SASH1: variants seen among roughly 807,000 people sequenced by gnomAD.
The protein encoded by SASH1 is SAM and SH3 domain-containing protein 1.
In SASH1, 44 loss-of-function variants were observed where a neutral mutation model predicts 125.2. The ratio of observed to expected loss-of-function variants is 0.35; its 90% confidence interval spans 0.28 to 0.45. SASH1 has a LOEUF of 0.45. Ranked by LOEUF, SASH1 falls within the 20% of genes least tolerant of loss-of-function variation. The pLI, the probability that SASH1 is intolerant of heterozygous loss-of-function variation, is 1.00. For missense variants in SASH1, 1,426 were observed against 1,614.5 expected, an observed-to-expected ratio of 0.88 and a Z score of 2.00; for synonymous variants, 639 against 649.1, an observed-to-expected ratio of 0.98 and a Z score of 0.24.
the SASH1 span, among the ~76,000 whole-genome samples, chr6:148,217,882 G>T: frequency 2.0e-5 from 3 of 151,570 alleles, no homozygotes; most frequent in Non-Finnish European, 1.5e-5. Flanking sequence ...GGGTGTGGTG[G>T]TGTGTGTCTG....
At chr6:148,296,954 T>G (rs1342314343) in intron 1 of SASH1, among the ~76,000 whole-genome samples, 1 of 152,254 alleles carries the variant, frequency 6.6e-6, no homozygotes. Context: ...GCCAAAGGGC[T>G]GCAGCTGTGG....
intron 1 of SASH1, among the ~76,000 whole-genome samples, chr6:148,290,852 C>A (rs1339685395): frequency 7.0e-6 from 1 of 142,782 alleles, no homozygotes; most frequent in Non-Finnish European, 1.5e-5. Context: ...CCGAGAAACA[C>A]CCAAGAATGA....
intron 1 of SASH1, among the ~76,000 whole-genome samples, chr6:148,308,945 G>A (rs1313716969): frequency 3.3e-5 from 5 of 151,276 alleles, no homozygotes; most frequent in Non-Finnish European, 5.9e-5. Flanking sequence ...TTAGCCAGGG[G>A]TGGTGGCACA....
At chr6:148,270,025 G>A (rs1019321091), upstream of SASH1, among the ~76,000 whole-genome samples, 4 of 152,204 alleles carry the variant, frequency 2.6e-5, no homozygotes, top group Non-Finnish European at 4.4e-5. Context: ...ATACACTGAT[G>A]TTATAGATTT....
chr6:148,232,625 G>T, the SASH1 span, among the ~76,000 whole-genome samples: 2 of 152,180 alleles, frequency 1.3e-5, no homozygotes, highest in Non-Finnish European at 2.9e-5. Context: ...AGCCTTAGAT[G>T]AGTAGATGGG....
At chr6:148,333,211 G>T (rs1781043745) in intron 1 of SASH1, among the ~76,000 whole-genome samples, 1 of 151,674 alleles carries the variant, frequency 6.6e-6, no homozygotes, top group African/African-American at 2.4e-5. Context: ...GACCAGCCTG[G>T]GCAACATAGG....
the SASH1 span, among the ~76,000 whole-genome samples, chr6:148,245,406 G>A: frequency 2.0e-5 from 3 of 152,250 alleles, no homozygotes; most frequent in Admixed American, 6.5e-5. Flanking sequence ...GAGAACTTCC[G>A]CTTGAGGCTA....
the SASH1 span, among the ~76,000 whole-genome samples, chr6:148,250,815 T>G: frequency 6.6e-6 from 1 of 152,204 alleles, no homozygotes; most frequent in African/African-American, 2.4e-5. Flanking sequence ...CTATCCCTAG[T>G]GTTTCAGTAA....
rs1781526992 is a variant in SASH1 at position 148,531,645 on chromosome 6, T to C, written c.1548T>C (p.Ser516=). ...TAGAAAGTCTTCGCAGTTCTCTCAG[T>C]GGGCAGAGCTCCATGAGTAAGTCGA... The part of the protein sequence containing the change: ...GSVESLRSSL[S]GQSSMSGQTV... The change falls in exon 13 of 20, where the codon AGT becomes AGC. Residue 516 remains serine (S), a synonymous_variant. Coordinates refer to ENST00000367467, the MANE Select transcript of SASH1 (RefSeq NM_015278.5). The C allele has an allele frequency of 1.3e-6, 2 of 1,547,382 alleles. No individual in the cohort carries two copies. Among genetic ancestry groups the C allele is most frequent in the Admixed American group, 2.1e-5 (1 of 48,654 alleles).
chr6:148,320,944 C>A (rs779377426), intron 1 of SASH1, among the ~76,000 whole-genome samples: 1 of 152,234 alleles, frequency 6.6e-6, no homozygotes, highest in Non-Finnish European at 1.5e-5. Context: ...TTCTTACTAA[C>A]TCAGATGAAG....
chr6:148,356,494 C>CTTTTTTTTTTTT lies in SASH1; in HGVS notation c.156+13280_156+13291dup, dbSNP rs57183555. 1.2e-3 allele frequency among the ~76,000 whole-genome samples: 145 copies of CTTTTTTTTTTTT among 116,204 alleles called. 4 individuals carry two copies. Among genetic ancestry groups the CTTTTTTTTTTTT allele is most frequent in the Middle Eastern group, 4.5e-3 (1 of 222 alleles). 76.2% of individuals were successfully genotyped at this position (116,204 alleles called of 152,430 possible). A position where few individuals can be genotyped will look rare whatever the true frequency, so the allele number is the denominator to read the frequency against. On this transcript the variant is annotated intron_variant, in intron 1 of 19. Coordinates refer to ENST00000367467, the MANE Select transcript of SASH1 (RefSeq NM_015278.5). ...TCAAATGGTAGATCTACTTTTAGTT[C>CTTTTTTTTTTTT]TTTTTTTTTTTTTTTTTTTTGAGAC...
chr6:148,270,084 ACGGGG>A (rs1779026539), upstream of SASH1, among the ~76,000 whole-genome samples: 1 of 152,262 alleles, frequency 6.6e-6, no homozygotes, highest in Non-Finnish European at 1.5e-5. Context: ...GCTGTATTCA[ACGGGG>A]CAGAATTTCT....
At chr6:148,301,125 G>A (rs1204816887) in intron 1 of SASH1, among the ~76,000 whole-genome samples, 6 of 151,794 alleles carry the variant, frequency 4.0e-5, no homozygotes, top group Non-Finnish European at 7.4e-5. Flanking sequence ...TCGGGAGTTC[G>A]AGTCCAGCCT....
chr6:148,466,838 T>A (rs564140587), intron 4 of SASH1, among the ~76,000 whole-genome samples: 2 of 152,176 alleles, frequency 1.3e-5, no homozygotes, highest in South Asian at 4.2e-4. Flanking sequence ...GTGTAACTCA[T>A]ACCTGGCCTC....
chr6:148,445,707 C>T (rs987213485), intron 4 of SASH1, among the ~76,000 whole-genome samples: 10 of 152,042 alleles, frequency 6.6e-5, no homozygotes, highest in South Asian at 6.2e-4. Flanking sequence ...AAAAGCAGGG[C>T]GAAGAGAGGG....
At chr6:148,221,106 A>G in the SASH1 span, among the ~76,000 whole-genome samples, 2 of 152,140 alleles carry the variant, frequency 1.3e-5, no homozygotes, top group African/African-American at 4.8e-5. Flanking sequence ...TTTGCAATCC[A>G]CTCCATTCAA....
In SASH1 at chr6:148,332,386, G is replaced by A. The variant is rs544114070; in HGVS notation, n.75-57748G>A. On this transcript the variant is annotated intron_variant and non_coding_transcript_variant, in intron 1 of 3. Coordinates refer to the SASH1 transcript ENST00000367469. ...GCTCAATTTCAGCAGCAGGAACTAT[G>A]GTAAAAAATAAATTGGACTATTTAT... is the stretch of plus-strand genomic sequence containing the variant. Among the ~76,000 whole-genome samples the A allele has an allele frequency of 2.6e-5, 4 of 152,154 alleles. No homozygotes were observed. In the South Asian group the frequency reaches 6.2e-4, roughly 24 times the overall value.
chr6:148,238,173 C>A, the SASH1 span, among the ~76,000 whole-genome samples: 18 of 152,008 alleles, frequency 1.2e-4, no homozygotes, highest in Non-Finnish European at 5.9e-5. Context: ...CACCTCAAAG[C>A]CTCCTATCCC....
intron 4 of SASH1, among the ~76,000 whole-genome samples, chr6:148,447,944 C>A (rs371720808): frequency 6.6e-6 from 1 of 152,142 alleles, no homozygotes; most frequent in East Asian, 1.9e-4. Flanking sequence ...CATTACCCCC[C>A]GCTGCCCACT....
Sources: allele counts gnomAD v4.1 joint callset (sites outside exome capture counted in the v4.1 genomes callset), GRCh38; gene constraint gnomAD v4.1.1; transcripts MANE v1.5; gene names NCBI Gene and HGNC (gene_info 2026-07-23, HGNC 2026-07-21).